Variants in USP46 observed in about 807,000 individuals in gnomAD.
The protein encoded by USP46 is ubiquitin carboxyl-terminal hydrolase 46.
USP46 carries 12 observed loss-of-function variants against 44.4 expected under a neutral mutation model. The observed-to-expected ratio is 0.27, with a 90% CI of 0.17 to 0.44. The LOEUF (loss-of-function observed/expected upper bound fraction) is 0.44, where lower values mean the gene tolerates loss of function less well. USP46 is among the 20% of genes least tolerant of loss of function. USP46 has a pLI of 1.00. For synonymous variants in USP46, 155 were observed against 161.5 expected (o/e 0.96, Z 0.31); for missense variants, 248 against 444.8 (o/e 0.56, Z 3.98).
intron 1 of USP46, among the ~76,000 whole-genome samples, chr4:52,638,778 G>A (rs1252819938): frequency 6.6e-6 from 1 of 151,960 alleles, no homozygotes; most frequent in African/African-American, 2.4e-5. Context: ...ACTGATGGCT[G>A]GATGAATGCA....
Position 52,593,649 on chromosome 4 carries a change from G to C in USP46, c.*3991C>G, listed in dbSNP as rs1442153089. On this transcript the variant is annotated 3_prime_UTR_variant, in exon 9 of 9. Coordinates refer to ENST00000441222, the MANE Select transcript of USP46 (RefSeq NM_022832.4). ...GGCAGGGAGTGGTGTGAACCCACGT[G>C]AGTATTTCTGAAGCTGGGGGGTCCC... is the stretch of plus-strand genomic sequence containing the variant. The C allele has an allele frequency of 6.6e-6, 1 of 152,284 alleles. No homozygotes were observed. Among genetic ancestry groups the C allele is most frequent in the South Asian group, 2.1e-4 (1 of 4,836 alleles). The allele number at this position is 152,284 out of a possible 1,614,324, so 9.4% of individuals were successfully genotyped here.
chr4:52,637,458 G>A (rs1297013960), intron 1 of USP46, among the ~76,000 whole-genome samples: 2 of 152,094 alleles, frequency 1.3e-5, no homozygotes, highest in Non-Finnish European at 2.9e-5. Flanking sequence ...ACTAAAACTA[G>A]ATTTTTCATT....
rs73815962 is a variant in USP46, at chr4:52,619,708, T to C, written c.561+6310A>G. Among the ~76,000 whole-genome samples the C allele has an allele frequency of 9.1e-3, 1,387 of 152,268 alleles. 16 individuals are homozygous for C. The highest frequency in any genetic ancestry group is 0.032 in the African/African-American group (1,317 of 41,538). On this transcript the variant is annotated intron_variant, in intron 4 of 8. Coordinates refer to ENST00000441222, the MANE Select transcript of USP46 (RefSeq NM_022832.4). ...TCTAACAATTAGAGCTTTCTAAAAA[T>C]GGAATGCAACGCCTTGGGAGATTGA...
At chr4:52,637,386 C>T (rs190978811) in intron 1 of USP46, among the ~76,000 whole-genome samples, 96 of 152,280 alleles carry the variant, frequency 6.3e-4, no homozygotes, top group African/African-American at 2.2e-3. Flanking sequence ...TTTCTGAGCT[C>T]CAGGCTGAAT....
rs1289034300 is a variant in USP46 at position 52,592,790 on chromosome 4, G to A, written c.*4850C>T. On this transcript the variant is annotated 3_prime_UTR_variant, in exon 9 of 9. Coordinates refer to ENST00000441222, the MANE Select transcript of USP46 (RefSeq NM_022832.4). ...GGAGGCAGAGGTTGCAGTGAGCTGAGATCTCATCACTGCACTCCAGCCTGG... is the reference window on the plus strand; with the variant it reads ...GGAGGCAGAGGTTGCAGTGAGCTGAAATCTCATCACTGCACTCCAGCCTGG... 4 of 398,008 alleles carry A rather than the reference G, an allele frequency of 1.0e-5. No homozygotes were observed. The highest frequency in any genetic ancestry group is 6.2e-5 in the African/African-American group (3 of 48,476). 24.7% of individuals were successfully genotyped at this position (398,008 alleles called of 1,614,324 possible). A position where few individuals can be genotyped will look rare whatever the true frequency, so the allele number is the denominator to read the frequency against.
intron 6 of USP46, among the ~76,000 whole-genome samples, chr4:52,602,392 T>G (rs1311211016): frequency 1.3e-5 from 2 of 152,088 alleles, no homozygotes; most frequent in East Asian, 3.9e-4. Flanking sequence ...ATCTACCCCC[T>G]GAGATGATGG....
At chr4:52,620,054 G>C (rs951826738) in intron 4 of USP46, among the ~76,000 whole-genome samples, 2 of 152,132 alleles carry the variant, frequency 1.3e-5, no homozygotes, top group Non-Finnish European at 2.9e-5. Flanking sequence ...AAATACTACA[G>C]TATCATCCAA....
intron 7 of USP46, 80 bp from the exon 8 acceptor site, chr4:52,598,786 G>C (rs1716343240): frequency 7.4e-7 from 1 of 1,351,194 alleles, no homozygotes; most frequent in Non-Finnish European, 1.0e-6. Context: ...TTTATAAGCA[G>C]TGATTCTCTG....
At chr4:52,633,105 T>C (rs1717980758) in intron 1 of USP46, among the ~76,000 whole-genome samples, 1 of 152,218 alleles carries the variant, frequency 6.6e-6, no homozygotes, top group South Asian at 2.1e-4. Context: ...GCATCTCCTC[T>C]CACAGAAAGA....
intron 1 of USP46, among the ~76,000 whole-genome samples, chr4:52,649,644 T>C (rs757872500): frequency 3.9e-5 from 6 of 152,220 alleles, no homozygotes; most frequent in Admixed American, 2.0e-4. Context: ...CTATGCATGA[T>C]AAAATTGGAG....
chr4:52,657,084 G>A (rs1255211008), intron 1 of USP46, among the ~76,000 whole-genome samples: 2 of 150,510 alleles, frequency 1.3e-5, no homozygotes, highest in Non-Finnish European at 3.0e-5. Flanking sequence ...CTGAACCCAG[G>A]AAGTCTGACA....
intron 4 of USP46, among the ~76,000 whole-genome samples, chr4:52,612,056 A>C (rs1716953979): frequency 6.6e-6 from 1 of 152,198 alleles, no homozygotes; most frequent in Non-Finnish European, 1.5e-5. Flanking sequence ...CTATCTCATA[A>C]GGCTGTTGTA....
intron 1 of USP46, among the ~76,000 whole-genome samples, chr4:52,641,013 G>A (rs1000639188): frequency 1.3e-5 from 2 of 151,580 alleles, no homozygotes; most frequent in African/African-American, 4.9e-5. Context: ...AGGCTGGGCT[G>A]TTGATATCCA....
intron 1 of USP46, among the ~76,000 whole-genome samples, chr4:52,658,603 T>G (rs1040937514): frequency 1.8e-4 from 27 of 152,354 alleles, no homozygotes; most frequent in African/African-American, 6.5e-4. Flanking sequence ...ATTTTGCACT[T>G]TTTTTACAGC....
In USP46 at chr4:52,656,313, T is replaced by C. The variant is rs908097880; in HGVS notation, c.36+2802A>G. 1.9e-6 allele frequency: 3 copies of C among 1,551,394 alleles called. No homozygotes were observed. In the African/African-American group the frequency reaches 4.1e-5, roughly 21 times the overall value. On this transcript the variant is annotated intron_variant, in intron 1 of 8. Transcript: ENST00000441222. ...ACACCTACCTGAAAACAATTCATTATTGAGCAAAGAATCTAAAGAGAGGTC... is the reference window on the plus strand; with the variant it reads ...ACACCTACCTGAAAACAATTCATTACTGAGCAAAGAATCTAAAGAGAGGTC...
intron 1 of USP46, among the ~76,000 whole-genome samples, chr4:52,650,406 A>G (rs1158473313): frequency 6.6e-6 from 1 of 152,240 alleles, no homozygotes; most frequent in African/African-American, 2.4e-5. Flanking sequence ...ATTCATAAAT[A>G]CAAAGTAAAG....
chr4:52,623,475 CAA>C (rs367596720), intron 4 of USP46, among the ~76,000 whole-genome samples: 1 of 152,022 alleles, frequency 6.6e-6, no homozygotes, highest in African/African-American at 2.4e-5. Flanking sequence ...AAAGTGGAAA[CAA>C]AATGAAATAA....
At chr4:52,609,335 T>A (rs945652438) in intron 5 of USP46, among the ~76,000 whole-genome samples, 9 of 152,114 alleles carry the variant, frequency 5.9e-5, no homozygotes, top group Non-Finnish European at 1.5e-5. Flanking sequence ...AAGAAACATA[T>A]CAGAAGAGAT....
rs1369983212 is a variant in USP46, at chr4:52,594,261, T to C, written c.*3379A>G. 1 of 152,236 alleles carries C rather than the reference T, an allele frequency of 6.6e-6. No homozygotes were observed. The highest frequency in any genetic ancestry group is 1.5e-5 in the Non-Finnish European group (1 of 68,042). The allele number at this position is 152,236 out of a possible 1,614,324, so 9.4% of individuals were successfully genotyped here. On this transcript the variant is annotated 3_prime_UTR_variant, in exon 9 of 9. Coordinates refer to ENST00000441222, the MANE Select transcript of USP46 (RefSeq NM_022832.4). ...TTAAAATTTCACAAGATTGACATTATTGCTTAAAGTGCTTGAATTGGTTAC... is the reference window on the plus strand; with the variant it reads ...TTAAAATTTCACAAGATTGACATTACTGCTTAAAGTGCTTGAATTGGTTAC...
Sources: gnomAD v4.1 joint callset for allele counts (sites outside exome capture counted in the v4.1 genomes callset) on GRCh38, gnomAD v4.1.1 for gene constraint, MANE v1.5 for transcripts, NCBI Gene and HGNC (gene_info 2026-07-23, HGNC 2026-07-21) for gene names.